Variants in ROBO1 observed in about 807,000 individuals in gnomAD.
ROBO1 encodes the protein roundabout homolog 1.
ROBO1 carries 149 observed loss-of-function variants against 195.9 expected under a neutral mutation model. The observed-to-expected ratio is 0.76, with a 90% confidence interval of 0.67 to 0.87. The LOEUF (loss-of-function observed/expected upper bound fraction) is 0.87, where lower values mean the gene tolerates loss of function less well. Among genes scored for constraint, ROBO1 ranks in the 40% least tolerant of loss-of-function variants. The pLI is 0.00. For synonymous variants in ROBO1, 816 were observed against 733.2 expected, an observed-to-expected ratio of 1.11 and a Z score of -1.82; for missense variants, 1,933 against 2,068.3, an observed-to-expected ratio of 0.93 and a Z score of 1.27.
intron 2 of ROBO1, among the ~76,000 whole-genome samples, chr3:79,529,956 T>G (rs1043805776): frequency 3.3e-5 from 5 of 152,324 alleles, no homozygotes; most frequent in Admixed American, 3.3e-4. Context: ...GAACAAATTC[T>G]GTTGTTAACC....
chr3:78,635,828 T>C lies in ROBO1; in HGVS notation c.3318A>G (p.Lys1106=). 2 of 1,613,868 alleles carry C rather than the reference T, an allele frequency of 1.2e-6. No homozygotes were observed. The highest frequency in any genetic ancestry group is 1.1e-5 in the South Asian group (1 of 91,074). The change falls in exon 23 of 31, where the codon AAA becomes AAG. Residue 1106 remains lysine (K), a synonymous_variant. Coordinates refer to ENST00000464233, the MANE Select transcript of ROBO1 (RefSeq NM_002941.4). The part of the protein sequence containing the change: ...EKHWKPLGQQ[K]QEVAPVQYNI... ...TGTACTGAACTGGTGCCACTTCTTG[T>C]TTCTGCTGTCCCAGTGGTTTCCAGT... is the stretch of plus-strand genomic sequence containing the variant.
At chr3:79,474,859 A>G (rs1938467391) in intron 2 of ROBO1, among the ~76,000 whole-genome samples, 1 of 152,044 alleles carries the variant, frequency 6.6e-6, no homozygotes, top group South Asian at 2.1e-4. Context: ...GATCTATTAG[A>G]ATGTTGTATA....
chr3:79,507,691 G>A (rs761998537), intron 2 of ROBO1, among the ~76,000 whole-genome samples: 4 of 152,016 alleles, frequency 2.6e-5, no homozygotes, highest in Non-Finnish European at 5.9e-5. Flanking sequence ...ATATGCTGGC[G>A]GTGTCATGGA....
chr3:78,812,234 C>T, intron 4 of ROBO1, among the ~76,000 whole-genome samples: 1 of 152,122 alleles, frequency 6.6e-6, no homozygotes, highest in Non-Finnish European at 1.5e-5. Flanking sequence ...CTCTCTAAAT[C>T]TCCTACTGCA....
At chr3:79,763,794 G>A (rs190100687) in intron 1 of ROBO1, among the ~76,000 whole-genome samples, 8 of 152,280 alleles carry the variant, frequency 5.3e-5, no homozygotes, top group Admixed American at 3.9e-4. Flanking sequence ...AACTGTAAAA[G>A]TTTGCTCTTG....
At chr3:79,406,071 T>C (rs1244061422) in intron 2 of ROBO1, among the ~76,000 whole-genome samples, 3 of 152,074 alleles carry the variant, frequency 2.0e-5, no homozygotes, top group Non-Finnish European at 2.9e-5. Context: ...GAAGAAACTT[T>C]CCTGAATAAT....
At chr3:78,665,373 T>C (rs1026597994) in intron 14 of ROBO1, among the ~76,000 whole-genome samples, 2 of 152,210 alleles carry the variant, frequency 1.3e-5, no homozygotes, top group Non-Finnish European at 2.9e-5. Flanking sequence ...CACTCACATA[T>C]ACTTCCCGTA....
chr3:78,786,931 G>C (rs947904262), intron 4 of ROBO1, among the ~76,000 whole-genome samples: 2 of 152,166 alleles, frequency 1.3e-5, no homozygotes, highest in African/African-American at 4.8e-5. Context: ...CACTCAAAAT[G>C]ACAGTTAATG....
chr3:79,508,323 T>C (rs1940520502), intron 2 of ROBO1, among the ~76,000 whole-genome samples: 2 of 151,948 alleles, frequency 1.3e-5, no homozygotes, highest in South Asian at 4.2e-4. Flanking sequence ...TGAAAACCCA[T>C]GGAAGAAGAT....
intron 26 of ROBO1, among the ~76,000 whole-genome samples, chr3:78,626,664 G>A (rs115880984): frequency 0.01 from 1,595 of 152,080 alleles, 9 homozygotes; most frequent in Non-Finnish European, 0.017. Flanking sequence ...GTAGAAATGC[G>A]AAGTGAAGCC....
Position 79,484,755 on chromosome 3 carries a change from C to CTTTTTTTTTTTTTTTTTTTTTTTTTTT in ROBO1, c.88+105068_88+105069insAAAAAAAAAAAAAAAAAAAAAAAAAAA. Among the ~76,000 whole-genome samples, 200 of 66,876 alleles carry CTTTTTTTTTTTTTTTTTTTTTTTTTTT rather than the reference C, an allele frequency of 3.0e-3. 62 individuals are homozygous for CTTTTTTTTTTTTTTTTTTTTTTTTTTT. Among genetic ancestry groups the CTTTTTTTTTTTTTTTTTTTTTTTTTTT allele is most frequent in the Non-Finnish European group, 3.7e-3 (139 of 37,652 alleles). The allele number at this position is 66,876 out of a possible 152,430, so 43.9% of individuals were successfully genotyped here. On this transcript the variant is annotated intron_variant, in intron 2 of 30. Coordinates refer to ENST00000464233, the MANE Select transcript of ROBO1 (RefSeq NM_002941.4). Reference sequence around the variant, plus strand: ...TTATACACCACTATCATTGCACTATCTTTTTTTTTTTTTTTTTGAGACAGA... The same window carrying CTTTTTTTTTTTTTTTTTTTTTTTTTTT: ...TTATACACCACTATCATTGCACTATCTTTTTTTTTTTTTTTTTTTTTTTTTTTTTTTTTTTTTTTTTTTTGAGACAGA...
At chr3:79,453,828 T>C (rs1284790960) in intron 2 of ROBO1, among the ~76,000 whole-genome samples, 1 of 152,070 alleles carries the variant, frequency 6.6e-6, no homozygotes, top group East Asian at 1.9e-4. Context: ...GCACTGAATC[T>C]CACTAATTAG....
chr3:78,965,622 A>C (rs2107870426), intron 3 of ROBO1, among the ~76,000 whole-genome samples: 1 of 150,138 alleles, frequency 6.7e-6, no homozygotes, highest in African/African-American at 2.4e-5. Flanking sequence ...ATTCATTTCA[A>C]AAAAAAAAAT....
chr3:79,444,786 A>G (rs560989514), intron 2 of ROBO1, among the ~76,000 whole-genome samples: 4 of 152,298 alleles, frequency 2.6e-5, no homozygotes, highest in African/African-American at 4.8e-5. Flanking sequence ...CAAAATTTAA[A>G]TAATGCTATA....
chr3:78,639,195 G>A lies in ROBO1; in HGVS notation c.3037+549C>T, dbSNP rs1395834195. The stretch of plus-strand genomic sequence containing the variant: ...TTTATGGCTGGGCACAGTGGCTCAC[G>A]CCTGTACTCCCAGCACTTTGGGAAG... On this transcript the variant is annotated intron_variant, in intron 22 of 30. Transcript: ENST00000464233. 4.6e-5 allele frequency among the ~76,000 whole-genome samples: 7 copies of A among 151,984 alleles called. No homozygotes were observed. The East Asian group carries it at 5.8e-4, about 13-fold the overall frequency.
At chr3:78,971,202 G>T (rs767368721) in intron 3 of ROBO1, among the ~76,000 whole-genome samples, 9 of 152,012 alleles carry the variant, frequency 5.9e-5, no homozygotes, top group Non-Finnish European at 1.2e-4. Context: ...GACCAACCTG[G>T]CCAACATTGT....
At chr3:79,394,373 T>G (rs2037060791) in intron 2 of ROBO1, among the ~76,000 whole-genome samples, 1 of 152,062 alleles carries the variant, frequency 6.6e-6, no homozygotes. Context: ...TACCTACTTG[T>G]TACTACAGGG....
chr3:79,368,410 T>C (rs1240420994), intron 2 of ROBO1, among the ~76,000 whole-genome samples: 1 of 152,168 alleles, frequency 6.6e-6, no homozygotes, highest in Non-Finnish European at 1.5e-5. Context: ...TACTACCATC[T>C]GCGCATTAAA....
At chr3:79,537,116 T>TTA (rs1333150161) in intron 2 of ROBO1, among the ~76,000 whole-genome samples, 1 of 151,864 alleles carries the variant, frequency 6.6e-6, no homozygotes, top group African/African-American at 2.4e-5. Context: ...TTTTTTTATT[T>TTA]TTTTTTTGAC....
Sources: gnomAD v4.1 joint callset for allele counts (sites outside exome capture counted in the v4.1 genomes callset) on GRCh38, gnomAD v4.1.1 for gene constraint, MANE v1.5 for transcripts, NCBI Gene and HGNC (gene_info 2026-07-23, HGNC 2026-07-21) for gene names.